Variants in RANBP2 observed in about 807,000 individuals in gnomAD.
RANBP2 encodes the protein E3 SUMO-protein ligase RanBP2.
Under a neutral mutation model 303.6 loss-of-function variants are expected in RANBP2, and 57 were observed. The observed-to-expected ratio is 0.19, with a 90% CI of 0.15 to 0.23. The LOEUF (loss-of-function observed/expected upper bound fraction) is 0.23, where lower values mean the gene tolerates loss of function less well. RANBP2 is among the 10% of genes least tolerant of loss of function. RANBP2 has a pLI of 1.00. For synonymous variants in RANBP2, 1,167 were observed against 1,301.5 expected (o/e 0.90, Z 2.23); for missense variants, 3,138 against 3,780.8 (o/e 0.83, Z 4.46).
the RANBP2 span, chr2:109,614,398 G>C: frequency 5.0e-6 from 5 of 1,003,310 alleles, no homozygotes; most frequent in Non-Finnish European, 6.3e-6. Flanking sequence ...GAGCCCGCCA[G>C]ACTCCGCCGC....
chr2:109,196,237 A>G, the RANBP2 span, among the ~76,000 whole-genome samples: 1 of 152,100 alleles, frequency 6.6e-6, no homozygotes, highest in Non-Finnish European at 1.5e-5. Context: ...GACGGCAGAG[A>G]CTGCCCACCC....
chr2:109,117,591 G>T, the RANBP2 span, among the ~76,000 whole-genome samples: 144,685 of 152,312 alleles, frequency 0.95, 69,136 homozygotes, highest in Non-Finnish European at 1. Flanking sequence ...GCTTCCCGAG[G>T]GAGGCAATGC....
the RANBP2 span, among the ~76,000 whole-genome samples, chr2:109,153,696 G>A: frequency 6.6e-6 from 1 of 152,202 alleles, no homozygotes; most frequent in African/African-American, 2.4e-5. Flanking sequence ...TCTTGATCTA[G>A]TCTCCAGGGT....
chr2:109,666,306 C>CT, the RANBP2 span, among the ~76,000 whole-genome samples: 3 of 151,964 alleles, frequency 2.0e-5, no homozygotes, highest in African/African-American at 7.3e-5. Flanking sequence ...TGTGGTGCCA[C>CT]TTTTTTTGTG....
At chr2:108,812,822 G>GAAGTACGAGTTTATGAC in the RANBP2 span, 1 of 1,612,850 alleles carries the variant, frequency 6.2e-7, no homozygotes, top group Non-Finnish European at 8.5e-7. Flanking sequence ...TGTTGCAGAG[G>GAAGTACGAGTTTATGAC]AAGTACGAGT....
the RANBP2 span, among the ~76,000 whole-genome samples, chr2:109,536,056 G>T: frequency 1.5e-5 from 2 of 131,918 alleles, no homozygotes; most frequent in South Asian, 2.9e-4. Flanking sequence ...TGGGGGTGGG[G>T]GGGGGGTCTC....
At chr2:109,330,481 CT>C in the RANBP2 span, among the ~76,000 whole-genome samples, 2 of 152,094 alleles carry the variant, frequency 1.3e-5, no homozygotes, top group Admixed American at 1.3e-4. Context: ...TCCTTACGAA[CT>C]TTGTAAGAAT....
the RANBP2 span, among the ~76,000 whole-genome samples, chr2:109,237,172 T>C: frequency 1.2e-4 from 19 of 152,200 alleles, no homozygotes; most frequent in Admixed American, 2.0e-4. Flanking sequence ...ATTTGTAATA[T>C]ATGAACACTC....
the RANBP2 span, among the ~76,000 whole-genome samples, chr2:109,765,757 G>C: frequency 1.3e-5 from 2 of 151,070 alleles, no homozygotes; most frequent in African/African-American, 4.9e-5. Flanking sequence ...TAGCAGTTTA[G>C]TCTCCCTAAG....
intron 20 of RANBP2, among the ~76,000 whole-genome samples, chr2:108,771,248 A>C (rs1218565683): frequency 2.0e-5 from 3 of 151,388 alleles, no homozygotes; most frequent in Non-Finnish European, 4.4e-5. Context: ...CCTTACAGAA[A>C]CTAATCACAG....
the RANBP2 span, among the ~76,000 whole-genome samples, chr2:109,209,442 G>A: frequency 1.3e-5 from 2 of 152,304 alleles, no homozygotes; most frequent in East Asian, 3.9e-4. Context: ...ATTCCAAGCT[G>A]CTTATGTGAT....
chr2:109,257,552 A>G, the RANBP2 span, among the ~76,000 whole-genome samples: 1 of 152,106 alleles, frequency 6.6e-6, no homozygotes, highest in South Asian at 2.1e-4. Context: ...CTGTGGCCCA[A>G]GTTCGTGGTG....
At chr2:108,759,567 A>C (rs987094809) in intron 18 of RANBP2, among the ~76,000 whole-genome samples, 72 of 152,286 alleles carry the variant, frequency 4.7e-4, no homozygotes, top group Admixed American at 2.2e-3. Flanking sequence ...GTGATGGTTC[A>C]TATAGTTAAG....
the RANBP2 span, among the ~76,000 whole-genome samples, chr2:109,348,152 G>C: frequency 1.3e-5 from 2 of 152,176 alleles, no homozygotes; most frequent in African/African-American, 2.4e-5. Context: ...TGAATGCTAT[G>C]GAGGGCACCA....
chr2:109,688,876 TTTCCTTCCTTCC>T, the RANBP2 span, among the ~76,000 whole-genome samples: 16 of 147,270 alleles, frequency 1.1e-4, no homozygotes, highest in Admixed American at 4.1e-4. Flanking sequence ...CTACATTTAT[TTTCCTTCCTTCC>T]TTCCTTCCTT....
chr2:108,748,437 G>C (rs826557), intron 8 of RANBP2, among the ~76,000 whole-genome samples: 29,312 of 147,884 alleles, frequency 0.2, 3,194 homozygotes, highest in African/African-American at 0.28. Flanking sequence ...TAGCCAGGAT[G>C]GTCTTGATCT....
chr2:108,897,045 C>T, the RANBP2 span: 32 of 1,614,116 alleles, frequency 2.0e-5, no homozygotes, highest in Middle Eastern at 3.3e-4. Flanking sequence ...TGTAGCCTGC[C>T]GTGCTGATGC....
In RANBP2 at chr2:108,766,605, A is replaced by G; in HGVS notation, c.6066A>G (p.Lys2022=). ...HFEPVVQMPE[K]VELVTGEEDE... ...AACCAGTAGTTCAAATGCCCGAAAA[A>G]GTAGAACTTGTAACAGGAGAAGAAG... The change falls in exon 20 of 29, where the codon AAA becomes AAG. Residue 2022 remains lysine, a synonymous_variant. Transcript: ENST00000283195. 1 of 1,612,018 alleles carries G rather than the reference A, an allele frequency of 6.2e-7. No individual in the cohort carries two copies. Among genetic ancestry groups the G allele is most frequent in the Non-Finnish European group, 8.5e-7 (1 of 1,179,848 alleles).
intron 7 of RANBP2, among the ~76,000 whole-genome samples, chr2:108,744,161 T>G (rs1696328650): frequency 6.6e-6 from 1 of 152,214 alleles, no homozygotes; most frequent in Non-Finnish European, 1.5e-5. Flanking sequence ...CTTAGCACTT[T>G]GGGAGGCTGA....
Sources: gnomAD v4.1 joint callset for allele counts (sites outside exome capture counted in the v4.1 genomes callset) on GRCh38, gnomAD v4.1.1 for gene constraint, MANE v1.5 for transcripts, NCBI Gene and HGNC (gene_info 2026-07-23, HGNC 2026-07-21) for gene names.